The following UBR3 variants were observed in gnomAD, a reference collection of about 807,000 sequenced individuals.
UBR3 encodes E3 ubiquitin-protein ligase UBR3.
A neutral mutation model predicts 243.2 loss-of-function variants in UBR3; 85 were observed. The ratio of observed to expected loss-of-function variants is 0.35; its 90% CI spans 0.29 to 0.42. The LOEUF (loss-of-function observed/expected upper bound fraction) is 0.42. Among genes scored for constraint, UBR3 ranks in the 10% least tolerant of loss-of-function variants. The pLI is 1.00. For synonymous variants in UBR3, 748 were observed against 799.8 expected, an observed-to-expected ratio of 0.94 and a Z score of 1.09; for missense variants, 1,686 against 2,300.8, an observed-to-expected ratio of 0.73 and a Z score of 5.47.
intron 1 of UBR3, among the ~76,000 whole-genome samples, chr2:169,850,267 C>T (rs1484920207): frequency 4.0e-5 from 6 of 151,090 alleles, no homozygotes; most frequent in African/African-American, 1.5e-4. Context: ...CAACCTCTCC[C>T]TCCTGGGCTC....
rs549828768 is a variant in UBR3, at chr2:169,828,398, T to TTGTTGGG, written c.545+347_545+353dup. 5.3e-3 allele frequency among the ~76,000 whole-genome samples: 813 copies of TTGTTGGG among 152,192 alleles called. 4 individuals are homozygous for TTGTTGGG. Among genetic ancestry groups the TTGTTGGG allele is most frequent in the Admixed American group, 8.2e-3 (126 of 15,284 alleles). The stretch of plus-strand genomic sequence containing the variant: ...TCGTGTCGAGCTGTCAAGTGTGTAC[T>TTGTTGGG]TGTTGGGAAAGGCTGTAAAGCCTGG... On this transcript the variant is annotated intron_variant, in intron 1 of 38. Coordinates refer to ENST00000272793, the MANE Select transcript of UBR3 (RefSeq NM_172070.4).
rs756141410 is a variant in UBR3 at position 170,029,459 on chromosome 2, T to C, written c.4556+11T>C. On this transcript the variant is annotated intron_variant, in intron 31 of 38. Transcript: ENST00000272793. ...AGAGATGAATCCACAGTAAGTATAA[T>C]TGAAAGACTAAAATCAATTAAAACT... 8 of 1,580,622 alleles carry C rather than the reference T, an allele frequency of 5.1e-6. No individual in the cohort carries two copies. The Admixed American group carries it at 1.1e-4, about 22-fold the overall frequency.
In UBR3 at chr2:169,983,997, TA is replaced by T; in HGVS notation, c.3635-2647del. Among the ~76,000 whole-genome samples the T allele has an allele frequency of 2.0e-5, 3 of 152,346 alleles. No homozygotes were observed. In the South Asian group the frequency reaches 6.2e-4, roughly 32 times the overall value. On this transcript the variant is annotated intron_variant, in intron 24 of 38. Coordinates refer to ENST00000272793, the MANE Select transcript of UBR3 (RefSeq NM_172070.4). Reference sequence around the variant, plus strand: ...CAAGAATATTTTCATTATTAGTCTCTAGTAACACTTGGATTTGTCATCTTTG... The same window carrying T: ...CAAGAATATTTTCATTATTAGTCTCTGTAACACTTGGATTTGTCATCTTTG...
chr2:170,024,181 C>T (rs1184009947), intron 30 of UBR3, among the ~76,000 whole-genome samples: 1 of 151,560 alleles, frequency 6.6e-6, no homozygotes, highest in Non-Finnish European at 1.5e-5. Flanking sequence ...CCTGAAACCC[C>T]GTCTCTACTA....
intron 22 of UBR3, among the ~76,000 whole-genome samples, chr2:169,948,748 A>G (rs1040778540): frequency 3.3e-5 from 5 of 152,050 alleles, no homozygotes; most frequent in Admixed American, 3.3e-4. Flanking sequence ...CAAAAGCTCA[A>G]CTGATATTAC....
rs1396382870 is a variant in UBR3 at position 169,890,536 on chromosome 2, G to GATATATATATATATATAC, written c.1039-628_1039-627insTATATATATATATATACA. 1.5e-4 allele frequency among the ~76,000 whole-genome samples: 8 copies of GATATATATATATATATAC among 53,656 alleles called. 1 individual carries two copies. The highest frequency in any genetic ancestry group is 5.9e-4 in the African/African-American group (7 of 11,864). The allele number at this position is 53,656 out of a possible 152,430, so 35.2% of individuals were successfully genotyped here. On this transcript the variant is annotated intron_variant, in intron 5 of 38. Transcript: ENST00000272793. The stretch of plus-strand genomic sequence containing the variant: ...GCGAGGTTTTTCTAGGAGAGAGAGA[G>GATATATATATATATATAC]AGAGATATATATATATATATATATA...
intron 1 of UBR3, among the ~76,000 whole-genome samples, chr2:169,869,683 A>G (rs572403921): frequency 6.6e-6 from 1 of 152,176 alleles, no homozygotes; most frequent in Non-Finnish European, 1.5e-5. Flanking sequence ...GCTCAATTGC[A>G]TGGGTCAGTT....
At chr2:170,059,713 T>A (rs2091419357) in intron 33 of UBR3, among the ~76,000 whole-genome samples, 1 of 152,044 alleles carries the variant, frequency 6.6e-6, no homozygotes, top group Admixed American at 6.6e-5. Flanking sequence ...GTCAGAGTCG[T>A]TTTTATAGTT....
At chr2:170,005,026 A>T (rs1334436433) in intron 27 of UBR3, among the ~76,000 whole-genome samples, 1 of 152,182 alleles carries the variant, frequency 6.6e-6, no homozygotes, top group Admixed American at 6.5e-5. Context: ...GATCGAGACC[A>T]TCCTGGCTAA....
chr2:169,843,646 C>T (rs959987197), intron 1 of UBR3, among the ~76,000 whole-genome samples: 3 of 152,180 alleles, frequency 2.0e-5, no homozygotes, highest in Non-Finnish European at 4.4e-5. Flanking sequence ...ATAAAATCCA[C>T]GTCATGATAT....
Position 169,828,077 on chromosome 2 carries a change from G to T in UBR3, c.545+25G>T. On this transcript the variant is annotated intron_variant, in intron 1 of 38. Coordinates refer to ENST00000272793, the MANE Select transcript of UBR3 (RefSeq NM_172070.4). ...GGTGAGTGGAGCCCTCCCCGCGGGC[G>T]AGGCGACCCTGGGCCGGGGACGTCG... is the stretch of plus-strand genomic sequence containing the variant. The T allele has an allele frequency of 2.2e-6, 3 of 1,357,534 alleles. No individual in the cohort carries two copies. In the South Asian group the frequency reaches 5.0e-5, roughly 23 times the overall value. 84.1% of individuals were successfully genotyped at this position (1,357,534 alleles called of 1,614,324 possible). A position where few individuals can be genotyped will look rare whatever the true frequency, so the allele number is the denominator to read the frequency against.
In UBR3 at chr2:169,927,201, A is replaced by G. The variant is rs563905637; in HGVS notation, c.2339-119A>G. ...GTTATGTTTGGAGCATAGCTTCTTTACTCTTTAATTTGAAGCATCTTATAT... is the reference window on the plus strand; with the variant it reads ...GTTATGTTTGGAGCATAGCTTCTTTGCTCTTTAATTTGAAGCATCTTATAT... On this transcript the variant is annotated intron_variant, in intron 16 of 38. Coordinates refer to ENST00000272793, the MANE Select transcript of UBR3 (RefSeq NM_172070.4). 1.3e-4 allele frequency: 132 copies of G among 1,045,106 alleles called. No individual in the cohort carries two copies. The Middle Eastern group carries it at 1.5e-3, about 12-fold the overall frequency. 64.7% of individuals were successfully genotyped at this position (1,045,106 alleles called of 1,614,324 possible).
intron 24 of UBR3, among the ~76,000 whole-genome samples, chr2:169,972,882 T>C (rs369750984): frequency 7.3e-5 from 11 of 150,072 alleles, no homozygotes; most frequent in East Asian, 5.8e-4. Context: ...TCTCACCACT[T>C]CTATTCAACA....
At chr2:169,846,709 CAA>C (rs58234876) in intron 1 of UBR3, among the ~76,000 whole-genome samples, 25 of 114,676 alleles carry the variant, frequency 2.2e-4, no homozygotes, top group African/African-American at 3.7e-4. Context: ...GACTCTGTCT[CAA>C]AAAAAAAAAA....
At chr2:169,924,225 A>T in intron 13 of UBR3, 52 bp downstream of exon 13, 4 of 1,348,192 alleles carry the variant, frequency 3.0e-6, no homozygotes, top group Non-Finnish European at 4.0e-6. Flanking sequence ...TGTTTAAGTG[A>T]TTCTTCCTTT....
intron 32 of UBR3, among the ~76,000 whole-genome samples, chr2:170,045,772 C>G (rs1048174506): frequency 6.6e-6 from 1 of 152,120 alleles, no homozygotes; most frequent in African/African-American, 2.4e-5. Flanking sequence ...CTCCCTCCCA[C>G]CTGTGGTTAT....
At chr2:169,905,788 A>T (rs992999186) in intron 9 of UBR3, among the ~76,000 whole-genome samples, 4 of 152,234 alleles carry the variant, frequency 2.6e-5, no homozygotes, top group African/African-American at 9.6e-5. Context: ...CTTTCTTATC[A>T]AAAGATATTC....
At chr2:169,963,235 A>T (rs771880836) in intron 24 of UBR3, among the ~76,000 whole-genome samples, 6 of 152,112 alleles carry the variant, frequency 3.9e-5, no homozygotes, top group Non-Finnish European at 7.4e-5. Flanking sequence ...TCAAATAATT[A>T]TTCTGTTTTC....
chr2:170,008,424 A>T (rs149818006), intron 28 of UBR3, among the ~76,000 whole-genome samples: 2 of 152,302 alleles, frequency 1.3e-5, no homozygotes, highest in African/African-American at 4.8e-5. Flanking sequence ...AATATGCTTA[A>T]ACTTACGGGA....
Sources: allele counts gnomAD v4.1 joint callset (sites outside exome capture counted in the v4.1 genomes callset), GRCh38; gene constraint gnomAD v4.1.1; transcripts MANE v1.5; gene names NCBI Gene and HGNC (gene_info 2026-07-23, HGNC 2026-07-21).